Variants in MYO1D observed in about 807,000 individuals in gnomAD.
MYO1D encodes the protein myosin ID.
MYO1D carries 83 observed loss-of-function variants against 122.0 expected under a neutral mutation model. That is an observed-to-expected ratio of 0.68 (90% CI 0.57 to 0.82). The LOEUF is 0.82. Ranked by LOEUF, MYO1D falls within the 40% of genes least tolerant of loss-of-function variation. The probability of loss-of-function intolerance (pLI) is 0.00; values close to 1 mark genes in which losing one functional copy is unlikely to be tolerated. For missense variants in MYO1D, 1,157 were observed against 1,269.5 expected (o/e 0.91, Z 1.35); for synonymous variants, 464 against 446.9 (o/e 1.04, Z -0.48).
chr17:32,683,177 C>A (rs1162463795), intron 16 of MYO1D, among the ~76,000 whole-genome samples: 1 of 147,502 alleles, frequency 6.8e-6, no homozygotes, highest in Admixed American at 6.8e-5. Flanking sequence ...TTTTCAACTT[C>A]TTTGCCTTTG....
intron 21 of MYO1D, among the ~76,000 whole-genome samples, chr17:32,586,627 T>C (rs1465835627): frequency 6.6e-6 from 1 of 152,250 alleles, no homozygotes; most frequent in Non-Finnish European, 1.5e-5. Context: ...ACTGAACTTA[T>C]GCTTTCTTTG....
At chr17:32,609,060 C>T (rs2087666598) in intron 20 of MYO1D, among the ~76,000 whole-genome samples, 1 of 152,214 alleles carries the variant, frequency 6.6e-6, no homozygotes, top group Non-Finnish European at 1.5e-5. Context: ...TGTATCCTGA[C>T]TGTGGCAGTG....
At chr17:32,795,397 T>C (rs2090404082) in intron 1 of MYO1D, among the ~76,000 whole-genome samples, 2 of 151,636 alleles carry the variant, frequency 1.3e-5, no homozygotes, top group East Asian at 1.9e-4. Context: ...ACAGGAGATA[T>C]CTGGGTTCTA....
intron 16 of MYO1D, among the ~76,000 whole-genome samples, chr17:32,708,706 G>C (rs1317506459): frequency 6.6e-6 from 1 of 152,154 alleles, no homozygotes; most frequent in Non-Finnish European, 1.5e-5. Flanking sequence ...GTCTTCTTGA[G>C]CATAGGGAAG....
chr17:32,635,426 C>T (rs192392286), intron 20 of MYO1D, among the ~76,000 whole-genome samples: 1 of 152,180 alleles, frequency 6.6e-6, no homozygotes, highest in East Asian at 1.9e-4. Flanking sequence ...TGGGGCCAGG[C>T]GTGGTGGCTC....
intron 1 of MYO1D, among the ~76,000 whole-genome samples, chr17:32,836,423 C>T (rs11870795): frequency 0.67 from 101,224 of 152,024 alleles, 33,852 homozygotes; most frequent in Middle Eastern, 0.77. Flanking sequence ...GAGATCAATA[C>T]ATAGAATATT....
Position 32,760,605 on chromosome 17 carries a change from CA to C in MYO1D, c.1057del (p.Cys353ValfsTer64). On this transcript the variant is annotated frameshift_variant, in exon 9 of 22. Transcript: ENST00000318217. LOFTEE classifies it high-confidence loss of function. ...FAKAIYERLF[C>X]WIVTRINDII... Reference sequence around the variant, plus strand: ...ATCATTGATGCGAGTAACGATCCAACAAAAAAGGCGCTCATATATTGCCTGC... The same window carrying C: ...ATCATTGATGCGAGTAACGATCCAACAAAAAGGCGCTCATATATTGCCTGC... The C allele has an allele frequency of 6.2e-7, 1 of 1,607,784 alleles. No individual in the cohort carries two copies. Among genetic ancestry groups the C allele is most frequent in the Non-Finnish European group, 8.5e-7 (1 of 1,178,024 alleles).
chr17:32,582,144 G>T (rs1432119920), intron 21 of MYO1D, among the ~76,000 whole-genome samples: 1 of 151,952 alleles, frequency 6.6e-6, no homozygotes, highest in Non-Finnish European at 1.5e-5. Context: ...CAAACTCCTG[G>T]ACTCAAGCAA....
Position 32,697,409 on chromosome 17 carries a change from C to T in MYO1D, c.2121+14579G>A, listed in dbSNP as rs143936340. On this transcript the variant is annotated intron_variant, in intron 16 of 21. Transcript: ENST00000318217. ...GCTTTTGTTTCTTTCAACACTCAGT[C>T]AAGACCAAGCAGCATATTTTTGACC... 3.7e-3 allele frequency among the ~76,000 whole-genome samples: 560 copies of T among 152,298 alleles called. 1 individual carries two copies. The highest frequency in any genetic ancestry group is 0.017 in the Middle Eastern group (5 of 294).
At chr17:32,780,881 TCCTAG>T in intron 1 of MYO1D, 97 bp from the exon 2 acceptor site, 1 of 1,191,046 alleles carries the variant, frequency 8.4e-7, no homozygotes, top group Non-Finnish European at 1.2e-6. Context: ...AGTCCAAATA[TCCTAG>T]GAATGATTTC....
intron 16 of MYO1D, among the ~76,000 whole-genome samples, chr17:32,669,717 G>T (rs189405744): frequency 1.6e-3 from 240 of 152,078 alleles, no homozygotes; most frequent in African/African-American, 5.5e-3. Context: ...CAAAATAAAA[G>T]AATTATTCAA....
chr17:32,778,048 T>G (rs1202164604), intron 3 of MYO1D, among the ~76,000 whole-genome samples: 1 of 152,202 alleles, frequency 6.6e-6, no homozygotes, highest in Non-Finnish European at 1.5e-5. Context: ...GTCCCACTTC[T>G]CTCAGAACAC....
intron 19 of MYO1D, 82 bp from the exon 20 acceptor site, chr17:32,638,917 A>G (rs1311961819): frequency 6.5e-6 from 6 of 916,928 alleles, no homozygotes; most frequent in Non-Finnish European, 1.1e-5. Flanking sequence ...AAATTCTTTA[A>G]TAGATGTGAA....
rs1441575046 is a variant in MYO1D, at chr17:32,493,869, G to A, written c.*890C>T. 1.3e-5 allele frequency: 2 copies of A among 152,290 alleles called. No individual in the cohort carries two copies. The highest frequency in any genetic ancestry group is 2.4e-5 in the African/African-American group (1 of 41,464). 9.4% of individuals were successfully genotyped at this position (152,290 alleles called of 1,614,324 possible). On this transcript the variant is annotated 3_prime_UTR_variant, in exon 22 of 22. Transcript: ENST00000318217. ...TCTCTGAGTAGGAAACGCAGCGGGA[G>A]GTGGTCCAGAGGGAAAGCGGCCGAC...
chr17:32,755,696 G>A (rs773441513), intron 10 of MYO1D, 34 bp from the exon 11 acceptor site: 28 of 1,587,632 alleles, frequency 1.8e-5, no homozygotes, highest in Non-Finnish European at 2.3e-5. Flanking sequence ...ATTCTGAAGA[G>A]AACAGTGACC....
chr17:32,771,851 C>G (rs2090115869), intron 5 of MYO1D, among the ~76,000 whole-genome samples: 1 of 152,220 alleles, frequency 6.6e-6, no homozygotes, highest in Non-Finnish European at 1.5e-5. Context: ...TTATTTAAAA[C>G]ATGGCAAATT....
intron 16 of MYO1D, among the ~76,000 whole-genome samples, chr17:32,710,200 A>C (rs2089357900): frequency 6.6e-6 from 1 of 152,180 alleles, no homozygotes; most frequent in African/African-American, 2.4e-5. Flanking sequence ...GTGTTGCATT[A>C]GTGCAAAAAC....
At chr17:32,611,083 C>T (rs1025612695) in intron 20 of MYO1D, among the ~76,000 whole-genome samples, 5 of 152,152 alleles carry the variant, frequency 3.3e-5, no homozygotes, top group African/African-American at 4.8e-5. Context: ...ACAGTGAACA[C>T]AACTAGATAG....
At chr17:32,567,036 T>C (rs995274646) in intron 21 of MYO1D, among the ~76,000 whole-genome samples, 3 of 151,370 alleles carry the variant, frequency 2.0e-5, no homozygotes, top group Admixed American at 1.3e-4. Context: ...GAGCAGATGA[T>C]GCGGCTGCAG....
Sources: gnomAD v4.1 joint callset for allele counts (sites outside exome capture counted in the v4.1 genomes callset) on GRCh38, gnomAD v4.1.1 for gene constraint, MANE v1.5 for transcripts, NCBI Gene and HGNC (gene_info 2026-07-23, HGNC 2026-07-21) for gene names.